The following CCDC73 variants were observed in gnomAD, a reference collection of about 807,000 sequenced individuals.
CCDC73 encodes coiled-coil domain-containing protein 73.
In CCDC73, 95 loss-of-function variants were observed where a neutral mutation model predicts 116.5. That is an observed-to-expected ratio of 0.82 (90% CI 0.69 to 0.97). CCDC73 has a LOEUF of 0.97. CCDC73 is among the 50% of genes least tolerant of loss of function. The probability of loss-of-function intolerance (pLI) is 0.00; values close to 1 mark genes in which losing one functional copy is unlikely to be tolerated. For synonymous variants in CCDC73, 398 were observed against 401.3 expected, an observed-to-expected ratio of 0.99 and a Z score of 0.10; for missense variants, 1,066 against 1,206.8, an observed-to-expected ratio of 0.88 and a Z score of 1.73.
chr11:32,688,645 G>A (rs575605603), intron 6 of CCDC73, among the ~76,000 whole-genome samples: 2 of 152,160 alleles, frequency 1.3e-5, no homozygotes, highest in Non-Finnish European at 2.9e-5. Flanking sequence ...GTAATGAGAT[G>A]ATAGAGCATC....
At chr11:32,644,315 T>C (rs557528912) in intron 12 of CCDC73, among the ~76,000 whole-genome samples, 4 of 152,042 alleles carry the variant, frequency 2.6e-5, no homozygotes, top group African/African-American at 4.8e-5. Flanking sequence ...AAGGGAACAA[T>C]GGACACCAGG....
chr11:32,620,055 C>A (rs1855509954), intron 14 of CCDC73, among the ~76,000 whole-genome samples: 4 of 152,194 alleles, frequency 2.6e-5, no homozygotes, highest in Non-Finnish European at 5.9e-5. Context: ...CAGTGATTTA[C>A]AACAGCAAAC....
chr11:32,710,156 T>A (rs1187379147), intron 3 of CCDC73, among the ~76,000 whole-genome samples: 1 of 152,190 alleles, frequency 6.6e-6, no homozygotes. Context: ...TTTTTGTTTA[T>A]CTTTTGTATT....
At chr11:32,668,823 T>C (rs929076953) in intron 9 of CCDC73, among the ~76,000 whole-genome samples, 4 of 152,144 alleles carry the variant, frequency 2.6e-5, no homozygotes, top group Admixed American at 2.0e-4. Context: ...AGACGGTGAG[T>C]GGTAAACATT....
chr11:32,666,258 T>C (rs1855980442), intron 9 of CCDC73, among the ~76,000 whole-genome samples: 1 of 152,208 alleles, frequency 6.6e-6, no homozygotes, highest in Non-Finnish European at 1.5e-5. Flanking sequence ...TGAGTGGTTT[T>C]CAACTTGGTT....
chr11:32,760,395 C>T, intron 1 of CCDC73, 137 bp from the exon 2 acceptor site: 1 of 554,918 alleles, frequency 1.8e-6, no homozygotes, highest in South Asian at 2.6e-5. Context: ...TGTCATCACT[C>T]CACTCTAATG....
rs373082687 is a variant in CCDC73 at position 32,710,955 on chromosome 11, T to C, written c.207+7121A>G. On this transcript the variant is annotated intron_variant, in intron 3 of 17. Transcript: ENST00000335185. ...AGACAACCCACAGAGTGGGAGAAAA[T>C]CTTCACAATCTATACATCTGACAAA... Among the ~76,000 whole-genome samples the C allele has an allele frequency of 2.0e-5, 3 of 151,662 alleles. No individual in the cohort carries two copies. In the South Asian group the frequency reaches 6.3e-4, roughly 32 times the overall value.
Position 32,656,693 on chromosome 11 carries a change from T to G in CCDC73, c.646-1721A>C, listed in dbSNP as rs150635392. 7.7e-3 allele frequency among the ~76,000 whole-genome samples: 1,167 copies of G among 152,324 alleles called. 12 individuals carry two copies. Among genetic ancestry groups the G allele is most frequent in the African/African-American group, 0.026 (1,084 of 41,562 alleles). Reference sequence around the variant, plus strand: ...GGAAGCTGGTTTTATGCTATAGTCTTGGATACTGCATAGCCTCCCTTGTTT... The same window carrying G: ...GGAAGCTGGTTTTATGCTATAGTCTGGGATACTGCATAGCCTCCCTTGTTT... On this transcript the variant is annotated intron_variant, in intron 9 of 17. Coordinates refer to ENST00000335185, the MANE Select transcript of CCDC73 (RefSeq NM_001008391.4).
Position 32,614,245 on chromosome 11 carries a change from A to G in CCDC73, c.2073T>C (p.Asp691=), listed in dbSNP as rs1855452077. The change falls in exon 16 of 18, where the codon GAT becomes GAC. Residue 691 remains aspartate, a synonymous_variant. Transcript: ENST00000335185. Reference sequence around the variant, plus strand: ...CAGTTAGTTCAGATTTCTCTAAAGTATCATTACAGACTTGCAGAAAATCTG... The same window carrying G: ...CAGTTAGTTCAGATTTCTCTAAAGTGTCATTACAGACTTGCAGAAAATCTG... The part of the protein sequence containing the change: ...QTSDFLQVCN[D]TLEKSELTVP... The G allele has an allele frequency of 6.2e-7, 1 of 1,613,630 alleles. No individual in the cohort carries two copies. Among genetic ancestry groups the G allele is most frequent in the Admixed American group, 1.7e-5 (1 of 59,996 alleles).
chr11:32,610,171 C>A (rs1855407482), intron 17 of CCDC73, among the ~76,000 whole-genome samples: 1 of 152,080 alleles, frequency 6.6e-6, no homozygotes, highest in Admixed American at 6.6e-5. Context: ...ACCATCAGAT[C>A]TTGTGGGATT....
intron 4 of CCDC73, among the ~76,000 whole-genome samples, 183 bp downstream of exon 4, chr11:32,702,667 TTTCCCTCAACAAATTTATGCTAC>T (rs1565079899): frequency 6.6e-6 from 1 of 152,208 alleles, no homozygotes; most frequent in African/African-American, 2.4e-5. Context: ...GTTTTCCCAA[TTTCCCTCAACAAATTTATGCTAC>T]TACTTTACAT....
chr11:32,632,233 T>C (rs1406380398), intron 14 of CCDC73, among the ~76,000 whole-genome samples: 2 of 152,126 alleles, frequency 1.3e-5, no homozygotes, highest in Non-Finnish European at 2.9e-5. Flanking sequence ...TTTTTGTTGT[T>C]TGTTTTCTTT....
At chr11:32,703,533 T>A (rs1849830455) in intron 3 of CCDC73, among the ~76,000 whole-genome samples, 1 of 151,998 alleles carries the variant, frequency 6.6e-6, no homozygotes, top group Non-Finnish European at 1.5e-5. Flanking sequence ...AAGAAAAATA[T>A]CTTTTAACCA....
At chr11:32,710,393 C>G (rs1027853857) in intron 3 of CCDC73, among the ~76,000 whole-genome samples, 1 of 152,144 alleles carries the variant, frequency 6.6e-6, no homozygotes, top group Admixed American at 6.6e-5. Flanking sequence ...TCACTAACTT[C>G]ATTCAGTTCA....
At chr11:32,667,161 G>C (rs1336313663) in intron 9 of CCDC73, among the ~76,000 whole-genome samples, 3 of 152,206 alleles carry the variant, frequency 2.0e-5, no homozygotes, top group Non-Finnish European at 4.4e-5. Context: ...CAAACTCCGT[G>C]CTGGGAGAAC....
intron 17 of CCDC73, 68 bp downstream of exon 17, chr11:32,611,064 A>G: frequency 6.7e-7 from 1 of 1,483,116 alleles, no homozygotes; most frequent in Non-Finnish European, 9.2e-7. Flanking sequence ...CCAGATGCGT[A>G]CAGTTCTACA....
rs555894226 is a variant in CCDC73, at chr11:32,658,535, C to G, written c.646-3563G>C. ...AGCTCTGGAAAGCCAATTAAAGAAG[C>G]CTGGGACTTGATTTGGTAGGCAAAG... On this transcript the variant is annotated intron_variant, in intron 9 of 17. Coordinates refer to ENST00000335185, the MANE Select transcript of CCDC73 (RefSeq NM_001008391.4). Among the ~76,000 whole-genome samples the G allele has an allele frequency of 7.2e-5, 11 of 152,230 alleles. No homozygotes were observed. In the East Asian group the frequency reaches 1.9e-3, roughly 27 times the overall value.
At chr11:32,830,452 T>A in the CCDC73 span, 421 of 1,268,058 alleles carry the variant, frequency 3.3e-4, 2 homozygotes, top group East Asian at 0.01. Flanking sequence ...CGACAGAAAC[T>A]CAAAGTGCTG....
chr11:32,795,523 A>C (rs1000174710), upstream of CCDC73, among the ~76,000 whole-genome samples: 2 of 151,016 alleles, frequency 1.3e-5, no homozygotes, highest in Non-Finnish European at 3.0e-5. Context: ...TAGAAAAAAA[A>C]CTGCAGTTCT....
Sources: allele counts gnomAD v4.1 joint callset (sites outside exome capture counted in the v4.1 genomes callset), GRCh38; gene constraint gnomAD v4.1.1; transcripts MANE v1.5; gene names NCBI Gene and HGNC (gene_info 2026-07-23, HGNC 2026-07-21).